The following DLC1 variants were observed in gnomAD, a reference collection of about 807,000 sequenced individuals.
The protein encoded by DLC1 is DLC1 Rho GTPase activating protein, also known as rho GTPase-activating protein 7.
Under a neutral mutation model 140.3 loss-of-function variants are expected in DLC1, and 54 were observed. The ratio of observed to expected loss-of-function variants is 0.38; its 90% confidence interval spans 0.31 to 0.48. The LOEUF (loss-of-function observed/expected upper bound fraction) is 0.48. Ranked by LOEUF, DLC1 falls within the 20% of genes least tolerant of loss-of-function variation. The pLI is 0.96. For missense variants in DLC1, 2,536 were observed against 1,907.0 expected (o/e 1.33, Z -6.14); for synonymous variants, 986 against 728.1 (o/e 1.35, Z -5.70).
chr8:13,238,763 G>A (rs1208408946), intron 5 of DLC1, among the ~76,000 whole-genome samples: 1 of 152,094 alleles, frequency 6.6e-6, no homozygotes, highest in Non-Finnish European at 1.5e-5. Flanking sequence ...GTAAGCAACT[G>A]GAATTACTCT....
At chr8:13,461,468 G>T (rs184628635) in intron 2 of DLC1, among the ~76,000 whole-genome samples, 2 of 152,188 alleles carry the variant, frequency 1.3e-5, no homozygotes, top group Non-Finnish European at 2.9e-5. Flanking sequence ...CCAAGGGCAG[G>T]CCTCTGCCTT....
intron 5 of DLC1, among the ~76,000 whole-genome samples, chr8:13,227,913 T>A (rs1024246809): frequency 6.6e-6 from 1 of 152,178 alleles, no homozygotes; most frequent in African/African-American, 2.4e-5. Flanking sequence ...ATTTTGACAT[T>A]TATATAGATG....
chr8:13,378,657 G>GT (rs537052375), intron 4 of DLC1, among the ~76,000 whole-genome samples: 295 of 152,062 alleles, frequency 1.9e-3, no homozygotes, highest in Non-Finnish European at 2.8e-3. Context: ...CTTATTACAT[G>GT]TTTTTTTGTT....
intron 6 of DLC1, among the ~76,000 whole-genome samples, chr8:13,111,027 A>T (rs1353467655): frequency 1.3e-5 from 2 of 152,188 alleles, no homozygotes; most frequent in African/African-American, 4.8e-5. Flanking sequence ...CTTCGGCTTT[A>T]ATGTGGGGGA....
At chr8:13,561,507 T>G (rs1804242792) in intron 1 of DLC1, among the ~76,000 whole-genome samples, 1 of 152,224 alleles carries the variant, frequency 6.6e-6, no homozygotes, top group Non-Finnish European at 1.5e-5. Flanking sequence ...AAACTTATTT[T>G]TTTAATGCAA....
intron 5 of DLC1, among the ~76,000 whole-genome samples, chr8:13,291,941 C>T (rs867547126): frequency 4.6e-5 from 7 of 151,656 alleles, no homozygotes; most frequent in South Asian, 2.1e-4. Context: ...TATTTTGCCT[C>T]GCTCAGATTC....
At position 13,486,277 on chromosome 8, in the gene DLC1, G is replaced by T. The variant is rs553742307; in HGVS notation, c.1023+12772C>A. On this transcript the variant is annotated intron_variant, in intron 2 of 17. Coordinates refer to ENST00000276297, the MANE Select transcript of DLC1 (RefSeq NM_182643.3). Reference sequence around the variant, plus strand: ...CTCATTTTAGACTCCATTCCATTTTGCTTTAAAAAATCCATTTTATGTTTT... The same window carrying T: ...CTCATTTTAGACTCCATTCCATTTTTCTTTAAAAAATCCATTTTATGTTTT... Among the ~76,000 whole-genome samples, 186 of 152,206 alleles carry T rather than the reference G, an allele frequency of 1.2e-3. 1 individual carries two copies. Among genetic ancestry groups the T allele is most frequent in the African/African-American group, 4.4e-3 (182 of 41,544 alleles).
intron 5 of DLC1, among the ~76,000 whole-genome samples, chr8:13,258,653 G>C (rs1218784456): frequency 6.6e-6 from 1 of 152,158 alleles, no homozygotes; most frequent in Non-Finnish European, 1.5e-5. Flanking sequence ...CTGTAAGTTG[G>C]TTGTTGCAGT....
At position 13,107,977 on chromosome 8, in the gene DLC1, G is replaced by A. The variant is rs544790691; in HGVS notation, c.1502+2765C>T. On this transcript the variant is annotated intron_variant, in intron 7 of 17. Transcript: ENST00000276297. ...AGAGAATTGCTTGAACCTGGGAGGC[G>A]GAGGTTGCAGTGAGCCGAGATCACG... Among the ~76,000 whole-genome samples, 355 of 152,138 alleles carry A rather than the reference G, an allele frequency of 2.3e-3. 1 individual carries two copies. Among genetic ancestry groups the A allele is most frequent in the South Asian group, 5.8e-3 (28 of 4,804 alleles).
chr8:13,154,101 G>A (rs1428872805), intron 5 of DLC1, among the ~76,000 whole-genome samples: 1 of 152,238 alleles, frequency 6.6e-6, no homozygotes, highest in Non-Finnish European at 1.5e-5. Flanking sequence ...GGTGGTGATT[G>A]GTGTGTTTAC....
chr8:13,178,572 C>CAAA (rs75910995), intron 5 of DLC1, among the ~76,000 whole-genome samples: 3 of 79,106 alleles, frequency 3.8e-5, no homozygotes, highest in African/African-American at 1.3e-4. Context: ...GACTCTGCCT[C>CAAA]AAAAAAAAAA....
chr8:13,373,826 C>T (rs1036535799), intron 4 of DLC1, among the ~76,000 whole-genome samples: 1 of 152,076 alleles, frequency 6.6e-6, no homozygotes, highest in Non-Finnish European at 1.5e-5. Flanking sequence ...TATTTTAAAG[C>T]TGGCTTAGTA....
chr8:13,299,560 A>G (rs1189504011), intron 5 of DLC1, among the ~76,000 whole-genome samples: 1 of 144,384 alleles, frequency 6.9e-6, no homozygotes, highest in Admixed American at 7.3e-5. Context: ...TGCCAGTTGC[A>G]TGCCACAGAC....
chr8:13,552,791 T>A (rs1803910660), intron 1 of DLC1, among the ~76,000 whole-genome samples: 4 of 151,952 alleles, frequency 2.6e-5, no homozygotes, highest in Admixed American at 2.6e-4. Flanking sequence ...AAAACTCACA[T>A]GTATTGTCAT....
chr8:13,368,403 C>T (rs772066105), intron 4 of DLC1, among the ~76,000 whole-genome samples: 17 of 152,112 alleles, frequency 1.1e-4, no homozygotes, highest in Non-Finnish European at 2.4e-4. Flanking sequence ...CATTGCCTTG[C>T]ACCTCAGGCA....
At position 13,499,259 on chromosome 8, in the gene DLC1, T is replaced by G; in HGVS notation, c.813A>C (p.Lys271Asn). ...GCAGAAGGCAGCTTCCAAAATCTGT[T>G]TTTAATAATGGCAGTCCTCTGTTTG... is the stretch of plus-strand genomic sequence containing the variant. ...PCTNRGLPLL[K>N]TDFGSCLLQP... Residue 271 changes from lysine to asparagine, a missense_variant, in exon 2 of 18, where the codon AAA becomes AAC. Physicochemically the swap from Lys to Asn is moderately conservative, Grantham distance 94 (BLOSUM62 0). Coordinates refer to ENST00000276297, the MANE Select transcript of DLC1 (RefSeq NM_182643.3). The G allele has an allele frequency of 6.2e-7, 1 of 1,614,174 alleles. No individual in the cohort carries two copies. Among genetic ancestry groups the G allele is most frequent in the Non-Finnish European group, 8.5e-7 (1 of 1,180,022 alleles).
intron 5 of DLC1, among the ~76,000 whole-genome samples, chr8:13,188,060 A>G (rs1159105744): frequency 6.6e-6 from 1 of 150,876 alleles, no homozygotes; most frequent in African/African-American, 2.4e-5. Flanking sequence ...TATTTTAAGC[A>G]GGTCCATACA....
intron 15 of DLC1, among the ~76,000 whole-genome samples, 157 bp downstream of exon 15, chr8:13,090,095 C>T (rs73552364): frequency 0.018 from 2,697 of 152,282 alleles, 76 homozygotes; most frequent in African/African-American, 0.062. Context: ...TTTCCACTCT[C>T]ACCACGGGGA....
At chr8:13,415,803 A>G (rs1226080985) in intron 2 of DLC1, among the ~76,000 whole-genome samples, 1 of 152,160 alleles carries the variant, frequency 6.6e-6, no homozygotes, top group East Asian at 1.9e-4. Context: ...TTTTCTCTAC[A>G]TATACACAAA....
Sources: gnomAD v4.1 joint callset for allele counts (sites outside exome capture counted in the v4.1 genomes callset) on GRCh38, gnomAD v4.1.1 for gene constraint, MANE v1.5 for transcripts, NCBI Gene and HGNC (gene_info 2026-07-23, HGNC 2026-07-21) for gene names.